FAM13A: variants seen among roughly 807,000 people sequenced by gnomAD.
FAM13A encodes the protein protein FAM13A.
In FAM13A, 76 loss-of-function variants were observed where a neutral mutation model predicts 129.6. That is an observed-to-expected ratio of 0.59 (90% CI 0.49 to 0.71). FAM13A has a LOEUF of 0.71. FAM13A is among the 30% of genes least tolerant of loss of function. The pLI is 0.00. For missense variants in FAM13A, 1,108 were observed against 1,249.3 expected (o/e 0.89, Z 1.70); for synonymous variants, 443 against 449.9 (o/e 0.98, Z 0.20).
chr4:88,960,348 T>C (rs1216053204), intron 4 of FAM13A, among the ~76,000 whole-genome samples: 2 of 152,200 alleles, frequency 1.3e-5, no homozygotes, highest in Non-Finnish European at 2.9e-5. Context: ...GTTTTTAATA[T>C]TTTTTGTCCT....
intron 6 of FAM13A, among the ~76,000 whole-genome samples, chr4:88,884,781 T>C (rs1430006035): frequency 2.6e-5 from 4 of 152,150 alleles, no homozygotes; most frequent in African/African-American, 7.2e-5. Context: ...CTAGAACTGA[T>C]AAATGAATTC....
At chr4:88,906,269 T>A in intron 6 of FAM13A, 110 bp downstream of exon 6, 1 of 783,476 alleles carries the variant, frequency 1.3e-6, no homozygotes. Flanking sequence ...GCCTGGACGA[T>A]AAAGCAAGAC....
chr4:89,029,322 T>C, intron 2 of FAM13A, 138 bp downstream of exon 2: 1 of 713,640 alleles, frequency 1.4e-6, no homozygotes, highest in Non-Finnish European at 2.3e-6. Context: ...ATGAAAAGTA[T>C]ATTACACAAT....
intron 1 of FAM13A, among the ~76,000 whole-genome samples, chr4:89,042,529 T>C (rs1334474741): frequency 1.3e-5 from 2 of 152,194 alleles, no homozygotes; most frequent in African/African-American, 4.8e-5. Context: ...TTTCATAGCA[T>C]ATAGGGTTAT....
rs1044155470 is a variant in FAM13A at position 88,726,299 on chromosome 4, T to G, written c.*2234A>C. The G allele has an allele frequency of 2.7e-5, 4 of 150,934 alleles. No individual in the cohort carries two copies. Among genetic ancestry groups the G allele is most frequent in the African/African-American group, 9.7e-5 (4 of 41,118 alleles). The allele number at this position is 150,934 out of a possible 1,614,324, so 9.3% of individuals were successfully genotyped here. Reference sequence around the variant, plus strand: ...TCTGGGCTCCATTCCATGAAGAATATAAGTTAGTTAGTTAGTTAGTGGAAA... The same window carrying G: ...TCTGGGCTCCATTCCATGAAGAATAGAAGTTAGTTAGTTAGTTAGTGGAAA... On this transcript the variant is annotated 3_prime_UTR_variant, in exon 24 of 24. Coordinates refer to ENST00000264344, the MANE Select transcript of FAM13A (RefSeq NM_014883.4).
chr4:88,747,275 G>T (rs985815598), intron 18 of FAM13A, among the ~76,000 whole-genome samples: 4 of 152,154 alleles, frequency 2.6e-5, no homozygotes, highest in African/African-American at 9.7e-5. Context: ...AAGCAGGGCT[G>T]TGAGGCACAT....
At chr4:89,033,418 G>A (rs549866997) in intron 1 of FAM13A, among the ~76,000 whole-genome samples, 3 of 152,184 alleles carry the variant, frequency 2.0e-5, no homozygotes, top group Admixed American at 6.5e-5. Flanking sequence ...GCTCCAGTTC[G>A]CATAAGAAAG....
At chr4:88,792,163 T>G (rs1485757336) in intron 8 of FAM13A, among the ~76,000 whole-genome samples, 1 of 151,282 alleles carries the variant, frequency 6.6e-6, no homozygotes, top group African/African-American at 2.4e-5. Context: ...TTTTACATAG[T>G]TTTTTTTTCA....
At chr4:88,827,776 T>C (rs1733258681) in intron 7 of FAM13A, among the ~76,000 whole-genome samples, 1 of 152,190 alleles carries the variant, frequency 6.6e-6, no homozygotes, top group South Asian at 2.1e-4. Context: ...TCTGCCACCA[T>C]AGCACACATT....
chr4:88,845,928 GT>G (rs1346829198), intron 7 of FAM13A, among the ~76,000 whole-genome samples: 1 of 152,056 alleles, frequency 6.6e-6, no homozygotes, highest in East Asian at 1.9e-4. Flanking sequence ...GATTTATTAT[GT>G]TTCCCCCATT....
intron 4 of FAM13A, among the ~76,000 whole-genome samples, chr4:88,956,743 T>C (rs1757807085): frequency 1.3e-5 from 2 of 152,320 alleles, no homozygotes; most frequent in Admixed American, 6.5e-5. Flanking sequence ...CCTCACTTTC[T>C]AGCTTCTAGA....
intron 3 of FAM13A, among the ~76,000 whole-genome samples, chr4:89,015,805 C>G (rs559885692): frequency 5.3e-4 from 81 of 152,052 alleles, no homozygotes; most frequent in African/African-American, 1.8e-3. Flanking sequence ...GACTCAGATA[C>G]ACATATACAT....
chr4:88,923,732 G>A (rs1023027315), intron 5 of FAM13A, among the ~76,000 whole-genome samples: 3 of 152,208 alleles, frequency 2.0e-5, no homozygotes, highest in Admixed American at 2.0e-4. Flanking sequence ...GAAATAAAGG[G>A]TATTCAATTA....
chr4:88,824,736 C>A (rs550604016), intron 7 of FAM13A, among the ~76,000 whole-genome samples: 1 of 146,046 alleles, frequency 6.8e-6, no homozygotes, highest in Non-Finnish European at 1.5e-5. Flanking sequence ...GAGATGGAGT[C>A]TTGCTCTGTC....
At chr4:88,749,973 T>C in intron 15 of FAM13A, 64 bp from the exon 16 acceptor site, 1 of 1,469,576 alleles carries the variant, frequency 6.8e-7, no homozygotes, top group Non-Finnish European at 9.4e-7. Context: ...AGAGGGGCCC[T>C]GGGGAAGTGG....
chr4:89,009,558 T>C (rs1765475958), intron 3 of FAM13A, among the ~76,000 whole-genome samples: 1 of 152,214 alleles, frequency 6.6e-6, no homozygotes, highest in South Asian at 2.1e-4. Flanking sequence ...ATGAGCTACA[T>C]GGAATTCCCA....
intron 7 of FAM13A, among the ~76,000 whole-genome samples, chr4:88,829,188 G>C (rs1733498467): frequency 6.6e-6 from 1 of 152,162 alleles, no homozygotes; most frequent in Non-Finnish European, 1.5e-5. Flanking sequence ...TATTTCCTAA[G>C]ATATAATGAT....
chr4:88,965,760 G>A lies in FAM13A; in HGVS notation c.605+25213C>T, dbSNP rs78166720. The stretch of plus-strand genomic sequence containing the variant: ...AGCCCCTGCTAACCACCATTCTACC[G>A]TTTCTGTGAATCTGACTACTTTAGA... On this transcript the variant is annotated intron_variant, in intron 4 of 23. Transcript: ENST00000264344. Among the ~76,000 whole-genome samples the A allele has an allele frequency of 7.5e-3, 1,135 of 152,086 alleles. 9 individuals are homozygous for A. Among genetic ancestry groups the A allele is most frequent in the Non-Finnish European group, 0.011 (748 of 67,996 alleles).
chr4:88,951,337 G>A (rs550866254), intron 4 of FAM13A, among the ~76,000 whole-genome samples: 1 of 152,222 alleles, frequency 6.6e-6, no homozygotes, highest in African/African-American at 2.4e-5. Flanking sequence ...TATGAACTCT[G>A]GCAAAATTAA....
Sources: allele counts gnomAD v4.1 joint callset (sites outside exome capture counted in the v4.1 genomes callset), GRCh38; gene constraint gnomAD v4.1.1; transcripts MANE v1.5; gene names NCBI Gene and HGNC (gene_info 2026-07-23, HGNC 2026-07-21).